The following RAI14 variants were observed in gnomAD, a reference collection of about 807,000 sequenced individuals.
RAI14 encodes the protein retinoic acid induced 14, also known as ankycorbin.
In RAI14, 45 loss-of-function variants were observed where a neutral mutation model predicts 115.4. That is an observed-to-expected ratio of 0.39 (90% CI 0.31 to 0.50). The LOEUF (loss-of-function observed/expected upper bound fraction) is 0.50, where lower values mean the gene tolerates loss of function less well. Ranked by LOEUF, RAI14 falls within the 20% of genes least tolerant of loss-of-function variation. RAI14 has a pLI of 0.85. For synonymous variants in RAI14, 371 were observed against 415.4 expected (o/e 0.89, Z 1.30); for missense variants, 939 against 1,131.2 (o/e 0.83, Z 2.44).
At chr5:34,687,481 C>A in intron 2 of RAI14, 1 of 1,186,620 alleles carries the variant, frequency 8.4e-7, no homozygotes, top group Non-Finnish European at 1.1e-6. Context: ...GTTATCTAAC[C>A]AATCCATAAA....
In RAI14 at chr5:34,665,009, ATATATATATGTGTATATATATATG is replaced by A. The variant is rs1743003665; in HGVS notation, c.-49+8556_-49+8579del. ...CATATATATATATATATGTGTATATATATATATATGTGTATATATATATGTATATATATGTGTATATATATGTGT... is the reference window on the plus strand; with the variant it reads ...CATATATATATATATATGTGTATATATATATATATGTGTATATATATGTGT... On this transcript the variant is annotated intron_variant, in intron 1 of 17. Coordinates refer to ENST00000265109, the MANE Select transcript of RAI14 (RefSeq NM_015577.3). Among the ~76,000 whole-genome samples the A allele has an allele frequency of 1.1e-4, 8 of 73,914 alleles. 4 individuals carry two copies. The highest frequency in any genetic ancestry group is 3.7e-4 in the African/African-American group (8 of 21,362). The allele number at this position is 73,914 out of a possible 152,430, so 48.5% of individuals were successfully genotyped here.
At chr5:34,812,770 A>C (rs1453695414) in intron 10 of RAI14, among the ~76,000 whole-genome samples, 1 of 152,190 alleles carries the variant, frequency 6.6e-6, no homozygotes, top group Non-Finnish European at 1.5e-5. Flanking sequence ...AAATGTACTA[A>C]CTCATACTTC....
Position 34,827,291 on chromosome 5 carries a change from C to A in RAI14, c.2799+812C>A, listed in dbSNP as rs1041577982. ...CACCTAGATAATCCACGATAATCTC[C>A]CTCTCCATCTCAAACCCTTAATTTC... On this transcript the variant is annotated intron_variant, in intron 16 of 17. Transcript: ENST00000265109. This position sits in a 1 kb window ranked among gnomAD's most constrained non-coding sequence, Gnocchi z 4.2. Among the ~76,000 whole-genome samples, 2 of 115,130 alleles carry A rather than the reference C, an allele frequency of 1.7e-5. No homozygotes were observed. The highest frequency in any genetic ancestry group is 5.8e-5 in the African/African-American group (2 of 34,626). The allele number at this position is 115,130 out of a possible 152,430, so 75.5% of individuals were successfully genotyped here. A position where few individuals can be genotyped will look rare whatever the true frequency, so the allele number is the denominator to read the frequency against.
intron 2 of RAI14, among the ~76,000 whole-genome samples, chr5:34,731,992 G>A (rs1452133868): frequency 1.3e-5 from 2 of 152,160 alleles, no homozygotes; most frequent in East Asian, 1.9e-4. Flanking sequence ...GGAATGCCTC[G>A]GCCTCCTGCT....
intron 5 of RAI14, among the ~76,000 whole-genome samples, chr5:34,805,609 G>A (rs1754783888): frequency 6.6e-6 from 1 of 152,182 alleles, no homozygotes; most frequent in Non-Finnish European, 1.5e-5. Flanking sequence ...GGAGGCTGAG[G>A]CGGGTGGATC....
chr5:34,817,571 C>A, intron 12 of RAI14, among the ~76,000 whole-genome samples: 1 of 152,036 alleles, frequency 6.6e-6, no homozygotes, highest in Non-Finnish European at 1.5e-5. Flanking sequence ...TTCACAACCT[C>A]CCCAAATTGG....
chr5:34,710,846 G>A (rs1329633651), intron 2 of RAI14, among the ~76,000 whole-genome samples: 2 of 152,194 alleles, frequency 1.3e-5, no homozygotes, highest in Non-Finnish European at 2.9e-5. Flanking sequence ...TGTTCTTCCA[G>A]CAGAAGAGAT....
chr5:34,680,525 A>G (rs112986334), intron 1 of RAI14, among the ~76,000 whole-genome samples: 19 of 152,308 alleles, frequency 1.2e-4, no homozygotes, highest in African/African-American at 4.6e-4. Context: ...CCTTAATACT[A>G]TTACATTGGC....
chr5:34,747,802 T>C (rs903364989), intron 2 of RAI14, among the ~76,000 whole-genome samples: 8 of 152,228 alleles, frequency 5.3e-5, no homozygotes, highest in Admixed American at 2.0e-4. Flanking sequence ...AGCTCTGAAC[T>C]GAGCCCCTAC....
intron 2 of RAI14, among the ~76,000 whole-genome samples, chr5:34,689,701 C>T (rs1159942476): frequency 2.0e-5 from 3 of 151,708 alleles, no homozygotes; most frequent in East Asian, 1.9e-4. Context: ...GGAGAAACCC[C>T]GTCTGTACTA....
chr5:34,688,464 A>C (rs1245689380), intron 2 of RAI14, among the ~76,000 whole-genome samples: 1 of 152,208 alleles, frequency 6.6e-6, no homozygotes, highest in Non-Finnish European at 1.5e-5. Flanking sequence ...TTTGGTTTAA[A>C]AATCAAAAAC....
chr5:34,704,119 A>C (rs1326083474), intron 2 of RAI14, among the ~76,000 whole-genome samples: 1 of 152,222 alleles, frequency 6.6e-6, no homozygotes. Flanking sequence ...TGCAAATTGA[A>C]GTTTGAGGTC....
At chr5:34,822,664 C>CTTTTTTTTTTT (rs143092935) in intron 14 of RAI14, among the ~76,000 whole-genome samples, 2 of 47,534 alleles carry the variant, frequency 4.2e-5, no homozygotes, top group Non-Finnish European at 8.1e-5. Context: ...CCTTTGGTAT[C>CTTTTTTTTTTT]TTTTTTTTTT....
chr5:34,829,620 A>C, intron 16 of RAI14, 112 bp from the exon 17 acceptor site: 1 of 750,136 alleles, frequency 1.3e-6, no homozygotes, highest in Non-Finnish European at 2.2e-6. Context: ...GCTAGCATAA[A>C]GTGGAGGGGA....
intron 2 of RAI14, among the ~76,000 whole-genome samples, chr5:34,740,991 G>C (rs1745446481): frequency 6.6e-6 from 1 of 152,116 alleles, no homozygotes; most frequent in African/African-American, 2.4e-5. Context: ...TAGACATCGT[G>C]CTCATATGTG....
chr5:34,824,452 T>A lies in RAI14; in HGVS notation c.2610T>A (p.Ala870=), dbSNP rs1757233198. Residue 870 remains alanine (A), a synonymous_variant, in exon 15 of 18, where the codon GCT becomes GCA. Coordinates refer to ENST00000265109, the MANE Select transcript of RAI14 (RefSeq NM_015577.3). ...AACTTGCAGAAATGAAAAGATACGCTGAGAGCTCTTCAAAACTGGAGGAAG... is the reference window on the plus strand; with the variant it reads ...AACTTGCAGAAATGAAAAGATACGCAGAGAGCTCTTCAAAACTGGAGGAAG... ...QEELAEMKRY[A]ESSSKLEEDK... 6.3e-7 allele frequency: 1 copy of A among 1,592,758 alleles called. No individual in the cohort carries two copies. Among genetic ancestry groups the A allele is most frequent in the Non-Finnish European group, 8.6e-7 (1 of 1,168,368 alleles).
intron 3 of RAI14, among the ~76,000 whole-genome samples, chr5:34,795,175 A>G (rs1055964849): frequency 1.3e-5 from 2 of 152,188 alleles, no homozygotes; most frequent in Admixed American, 6.5e-5. Context: ...TGGCATTTGG[A>G]TGTTATCCCT....
chr5:34,702,353 G>A lies in RAI14; in HGVS notation c.36+15398G>A, dbSNP rs181836330. On this transcript the variant is annotated intron_variant, in intron 2 of 17. Transcript: ENST00000265109. ...GAAAAATTAGGCTGGTGTGGTATGC[G>A]CTTGTATTCCCATCTATTCAGGAGG... 2.1e-3 allele frequency among the ~76,000 whole-genome samples: 325 copies of A among 152,244 alleles called. 4 individuals carry two copies. The highest frequency in any genetic ancestry group is 7.3e-3 in the African/African-American group (302 of 41,544).
chr5:34,659,007 T>G (rs1051315153), intron 1 of RAI14: 1 of 152,144 alleles, frequency 6.6e-6, no homozygotes, highest in Non-Finnish European at 1.5e-5. Context: ...TAACCTCTAA[T>G]GTGAAGTTAG....
Sources: allele counts gnomAD v4.1 joint callset (sites outside exome capture counted in the v4.1 genomes callset), GRCh38; gene constraint gnomAD v4.1.1; non-coding constraint Gnocchi (gnomAD v3.1); transcripts MANE v1.5; gene names NCBI Gene and HGNC (gene_info 2026-07-23, HGNC 2026-07-21).